CA13: variants seen among roughly 807,000 people sequenced by gnomAD.
The protein encoded by CA13 is carbonic anhydrase 13, also known as CA-XIII.
Under a neutral mutation model 31.5 loss-of-function variants are expected in CA13, and 21 were observed. That is an observed-to-expected ratio of 0.67 (90% confidence interval 0.47 to 0.96). CA13 has a LOEUF of 0.96. Among genes scored for constraint, CA13 ranks in the 40% least tolerant of loss-of-function variants. The pLI is 0.00. For missense variants in CA13, 315 were observed against 318.9 expected (o/e 0.99, Z 0.09); for synonymous variants, 117 against 111.4 (o/e 1.05, Z -0.32).
chr8:85,253,431 A>T (rs2129954045), intron 2 of CA13, among the ~76,000 whole-genome samples: 1 of 151,414 alleles, frequency 6.6e-6, no homozygotes, highest in African/African-American at 2.4e-5. Context: ...TGCCCAGCTA[A>T]TTTTTGTATT....
At chr8:85,276,605 T>C (rs1807613498) in intron 6 of CA13, among the ~76,000 whole-genome samples, 1 of 152,142 alleles carries the variant, frequency 6.6e-6, no homozygotes, top group South Asian at 2.1e-4. Context: ...GCACCCTGTG[T>C]CTAGCTCAGG....
At chr8:85,261,079 TTTG>T in intron 3 of CA13, among the ~76,000 whole-genome samples, 1 of 152,196 alleles carries the variant, frequency 6.6e-6, no homozygotes, top group Non-Finnish European at 1.5e-5. Flanking sequence ...CAAAGACTTT[TTTG>T]TTGTTGTTGT....
intron 6 of CA13, among the ~76,000 whole-genome samples, chr8:85,274,597 C>G (rs1427343027): frequency 1.3e-5 from 2 of 152,204 alleles, no homozygotes; most frequent in African/African-American, 4.8e-5. Flanking sequence ...TAGACCCCAC[C>G]TTCTTCTGCT....
At chr8:85,256,380 A>G (rs748976413) in intron 2 of CA13, among the ~76,000 whole-genome samples, 5 of 152,222 alleles carry the variant, frequency 3.3e-5, no homozygotes, top group Non-Finnish European at 5.9e-5. Flanking sequence ...TCAAAAAGAA[A>G]GTTGTCTTCT....
intron 4 of CA13, 31 bp downstream of exon 4, chr8:85,266,734 T>A: frequency 6.5e-7 from 1 of 1,540,690 alleles, no homozygotes; most frequent in Non-Finnish European, 9.0e-7. Context: ...TTTTAAATGA[T>A]CAGCCTTGTT....
chr8:85,253,128 A>G (rs77521108), intron 2 of CA13, among the ~76,000 whole-genome samples: 1 of 151,712 alleles, frequency 6.6e-6, no homozygotes, highest in East Asian at 1.9e-4. Context: ...TATTTTTAGT[A>G]GAGACAGGGT....
chr8:85,276,100 C>T (rs1314615015), intron 6 of CA13, among the ~76,000 whole-genome samples: 2 of 152,056 alleles, frequency 1.3e-5, no homozygotes, highest in Non-Finnish European at 2.9e-5. Flanking sequence ...GCGGGCGGTG[C>T]TTGCGGGCCA....
intron 2 of CA13, among the ~76,000 whole-genome samples, chr8:85,257,165 T>G (rs1010140092): frequency 1.3e-5 from 2 of 152,206 alleles, no homozygotes; most frequent in African/African-American, 2.4e-5. Flanking sequence ...CCCTACAAAC[T>G]AAAGTTTGTG....
chr8:85,266,528 T>A (rs928615385), intron 3 of CA13, 80 bp from the exon 4 acceptor site: 2 of 1,055,438 alleles, frequency 1.9e-6, no homozygotes, highest in Non-Finnish European at 2.9e-6. Flanking sequence ...ACCAGAAAAT[T>A]TGTAAATGTT....
Position 85,250,954 on chromosome 8 carries a change from TTGTG to T in CA13, c.235+24_235+27del. ...ACAAATCAGGTTGGCTTTTCTTTTT[TTGTG>T]TGTGTGGTGGTGGATGAAGGGTTTG... On this transcript the variant is annotated intron_variant, in intron 2 of 6. Coordinates refer to ENST00000321764, the MANE Select transcript of CA13 (RefSeq NM_198584.3). The T allele has an allele frequency of 6.2e-7, 1 of 1,604,596 alleles. No homozygotes were observed. Among genetic ancestry groups the T allele is most frequent in the Non-Finnish European group, 8.5e-7 (1 of 1,171,422 alleles).
At chr8:85,281,200 G>A (rs762929073) in intron 6 of CA13, 30 bp from the exon 7 acceptor site, 5 of 1,603,244 alleles carry the variant, frequency 3.1e-6, no homozygotes, top group Non-Finnish European at 4.3e-6. Flanking sequence ...GAATTTCTAT[G>A]CTGAAGCTAA....
chr8:85,258,725 C>A (rs1438979971), intron 2 of CA13, among the ~76,000 whole-genome samples: 2 of 121,674 alleles, frequency 1.6e-5, no homozygotes, highest in African/African-American at 6.5e-5. Context: ...GAGTTTGAGA[C>A]CAGCCTGGAT....
At chr8:85,274,941 A>G (rs964438574) in intron 6 of CA13, among the ~76,000 whole-genome samples, 1 of 152,196 alleles carries the variant, frequency 6.6e-6, no homozygotes, top group African/African-American at 2.4e-5. Context: ...CTTTGAAAGT[A>G]AAAAGAATCC....
rs1807460561 is a variant in CA13, at chr8:85,266,600, C to T, written c.355-8C>T. ...ACATTCCTACTATGTTGTATATCTCCCTTTCAGCTCCATGTTGTTCACTGG... is the reference window on the plus strand; with the variant it reads ...ACATTCCTACTATGTTGTATATCTCTCTTTCAGCTCCATGTTGTTCACTGG... On this transcript the variant is annotated splice_region_variant and splice_polypyrimidine_tract_variant and intron_variant, in intron 3 of 6. Coordinates refer to ENST00000321764, the MANE Select transcript of CA13 (RefSeq NM_198584.3). 2 of 1,607,270 alleles carry T rather than the reference C, an allele frequency of 1.2e-6. No individual in the cohort carries two copies. Among genetic ancestry groups the T allele is most frequent in the African/African-American group, 1.3e-5 (1 of 74,832 alleles).
Position 85,246,166 on chromosome 8 carries a change from GC to G in CA13, c.37+303del, listed in dbSNP as rs1239376310. 1.7e-5 allele frequency: 9 copies of G among 535,390 alleles called. No individual in the cohort carries two copies. The Admixed American group carries it at 2.7e-4, about 16-fold the overall frequency. The allele number at this position is 535,390 out of a possible 1,614,324, so 33.2% of individuals were successfully genotyped here. On this transcript the variant is annotated intron_variant, in intron 1 of 6. Coordinates refer to ENST00000321764, the MANE Select transcript of CA13 (RefSeq NM_198584.3). The stretch of plus-strand genomic sequence containing the variant: ...CTTCATCTGAAAAGCCAAGGACTTT[GC>G]CTAGTAACAGCCACGTATCAATTAC...
chr8:85,276,307 C>A (rs538933157), intron 6 of CA13, among the ~76,000 whole-genome samples: 20 of 152,220 alleles, frequency 1.3e-4, no homozygotes, highest in African/African-American at 3.1e-4. Flanking sequence ...GAGCCTCCCC[C>A]CAACCTCCGT....
intron 2 of CA13, among the ~76,000 whole-genome samples, chr8:85,251,834 G>A (rs544580007): frequency 6.6e-6 from 1 of 152,234 alleles, no homozygotes. Flanking sequence ...ATACATACAT[G>A]TGTATCATCC....
At chr8:85,259,567 A>T in intron 3 of CA13, 28 bp downstream of exon 3, 2 of 1,573,632 alleles carry the variant, frequency 1.3e-6, no homozygotes, top group Non-Finnish European at 1.7e-6. Flanking sequence ...TCTGTGATTC[A>T]CAGTTTTCCC....
At chr8:85,273,779 T>C (rs1413470522) in intron 6 of CA13, among the ~76,000 whole-genome samples, 1 of 151,858 alleles carries the variant, frequency 6.6e-6, no homozygotes, top group Non-Finnish European at 1.5e-5. Context: ...GATGCAAGGC[T>C]CTTGTATTGG....
Sources: gnomAD v4.1 joint callset for allele counts (sites outside exome capture counted in the v4.1 genomes callset) on GRCh38, gnomAD v4.1.1 for gene constraint, MANE v1.5 for transcripts, NCBI Gene and HGNC (gene_info 2026-07-23, HGNC 2026-07-21) for gene names.